PDLIM5: variants seen among roughly 807,000 people sequenced by gnomAD.
The protein encoded by PDLIM5 is PDZ and LIM domain protein 5.
A neutral mutation model predicts 64.2 loss-of-function variants in PDLIM5; 34 were observed. The ratio of observed to expected loss-of-function variants is 0.53; its 90% CI spans 0.40 to 0.71. The LOEUF (loss-of-function observed/expected upper bound fraction) is 0.71, where lower values mean the gene tolerates loss of function less well. Ranked by LOEUF, PDLIM5 falls within the 30% of genes least tolerant of loss-of-function variation. The pLI, the probability that PDLIM5 is intolerant of heterozygous loss-of-function variation, is 0.00. For synonymous variants in PDLIM5, 253 were observed against 269.1 expected, an observed-to-expected ratio of 0.94 and a Z score of 0.59; for missense variants, 683 against 733.6, an observed-to-expected ratio of 0.93 and a Z score of 0.80.
intron 7 of PDLIM5, among the ~76,000 whole-genome samples, chr4:94,611,808 C>T (rs936848012): frequency 3.9e-5 from 6 of 152,094 alleles, no homozygotes; most frequent in Non-Finnish European, 7.4e-5. Flanking sequence ...TTTGACAGAA[C>T]GTAAAATCAG....
intron 7 of PDLIM5, among the ~76,000 whole-genome samples, chr4:94,617,695 G>C (rs1271010795): frequency 6.6e-6 from 1 of 151,532 alleles, no homozygotes; most frequent in Non-Finnish European, 1.5e-5. Context: ...AACTGGTAAG[G>C]GCTGAGGTGT....
intron 3 of PDLIM5, among the ~76,000 whole-genome samples, chr4:94,554,436 A>G (rs1015105876): frequency 6.6e-6 from 1 of 152,192 alleles, no homozygotes; most frequent in East Asian, 1.9e-4. Context: ...TTTTCTCTTC[A>G]TATGTACTCA....
At chr4:94,586,300 G>T in intron 6 of PDLIM5, 108 bp from the exon 7 acceptor site, 1 of 643,418 alleles carries the variant, frequency 1.6e-6, no homozygotes, top group Admixed American at 2.5e-5. Flanking sequence ...CGTTTTAGTG[G>T]CTCCATGGAA....
chr4:94,590,608 A>G (rs776738016), intron 7 of PDLIM5, among the ~76,000 whole-genome samples: 6 of 152,302 alleles, frequency 3.9e-5, no homozygotes, highest in Non-Finnish European at 5.9e-5. Flanking sequence ...GATTATGTGG[A>G]CCTCTGAGGA....
At chr4:94,505,384 G>A (rs1044835418) in intron 2 of PDLIM5, among the ~76,000 whole-genome samples, 4 of 152,108 alleles carry the variant, frequency 2.6e-5, no homozygotes, top group African/African-American at 7.2e-5. Context: ...TCAACTACCC[G>A]AGTAGCTGGG....
intron 2 of PDLIM5, among the ~76,000 whole-genome samples, chr4:94,497,884 A>G (rs1560656759): frequency 6.6e-6 from 1 of 152,198 alleles, no homozygotes. Flanking sequence ...GACAGCATGT[A>G]GCTGTTGAGA....
intron 7 of PDLIM5, among the ~76,000 whole-genome samples, chr4:94,603,945 CAGAG>C (rs975002792): frequency 2.6e-5 from 4 of 152,214 alleles, no homozygotes; most frequent in East Asian, 1.9e-4. Flanking sequence ...TGATTTGAGA[CAGAG>C]AGATATTAGA....
At chr4:94,563,641 C>T (rs1249266315) in intron 3 of PDLIM5, among the ~76,000 whole-genome samples, 1 of 152,108 alleles carries the variant, frequency 6.6e-6, no homozygotes, top group Non-Finnish European at 1.5e-5. Flanking sequence ...CACGTTTAGC[C>T]TGGACAGGAA....
At chr4:94,663,542 C>T (rs1476461295) in intron 12 of PDLIM5, among the ~76,000 whole-genome samples, 1 of 152,142 alleles carries the variant, frequency 6.6e-6, no homozygotes, top group Non-Finnish European at 1.5e-5. Context: ...CTCAGGTATT[C>T]TGTGCCTGTG....
At chr4:94,607,369 C>T (rs1190737682) in intron 7 of PDLIM5, among the ~76,000 whole-genome samples, 1 of 151,330 alleles carries the variant, frequency 6.6e-6, no homozygotes, top group Non-Finnish European at 1.5e-5. Context: ...TTGAGTTCTT[C>T]ATTTTTTCTT....
At chr4:94,586,368 C>G in intron 6 of PDLIM5, 40 bp from the exon 7 acceptor site, 1 of 1,159,246 alleles carries the variant, frequency 8.6e-7, no homozygotes, top group Non-Finnish European at 1.3e-6. Context: ...TGAAGTTAAA[C>G]AAAACAAACT....
intron 5 of PDLIM5, chr4:94,579,389 A>C (rs1578412102): frequency 4.6e-6 from 2 of 437,652 alleles, no homozygotes; most frequent in East Asian, 7.1e-5. Context: ...TTAGTATCTT[A>C]TAATAATTTT....
chr4:94,460,192 A>T (rs1723751831), intron 2 of PDLIM5, among the ~76,000 whole-genome samples: 1 of 152,106 alleles, frequency 6.6e-6, no homozygotes, highest in African/African-American at 2.4e-5. Context: ...AAGTTCAGAG[A>T]CCTGTCTTTT....
chr4:94,485,782 G>A (rs1194525867), intron 2 of PDLIM5, among the ~76,000 whole-genome samples: 1 of 150,490 alleles, frequency 6.6e-6, no homozygotes, highest in Non-Finnish European at 1.5e-5. Context: ...CCTGGAAGGC[G>A]GAAGTTGCAG....
chr4:94,536,465 T>C (rs561669633), intron 3 of PDLIM5, among the ~76,000 whole-genome samples: 1 of 152,326 alleles, frequency 6.6e-6, no homozygotes, highest in Non-Finnish European at 1.5e-5. Context: ...GAATAAAATG[T>C]GGCATGCTCA....
At chr4:94,604,644 A>G (rs1238227792) in intron 7 of PDLIM5, among the ~76,000 whole-genome samples, 1 of 151,992 alleles carries the variant, frequency 6.6e-6, no homozygotes, top group East Asian at 1.9e-4. Context: ...CAAAAAAAGA[A>G]TTAAAGTAGT....
intron 3 of PDLIM5, among the ~76,000 whole-genome samples, chr4:94,555,108 A>G (rs1297583839): frequency 6.6e-6 from 1 of 152,134 alleles, no homozygotes; most frequent in African/African-American, 2.4e-5. Context: ...GCTGGAGTGC[A>G]GTGGTGGTGA....
intron 2 of PDLIM5, among the ~76,000 whole-genome samples, chr4:94,472,039 A>G (rs1254490010): frequency 2.0e-5 from 3 of 152,188 alleles, no homozygotes; most frequent in African/African-American, 7.2e-5. Context: ...TATTATTGAA[A>G]TAATATTTCT....
intron 3 of PDLIM5, among the ~76,000 whole-genome samples, chr4:94,538,349 A>G (rs1158938214): frequency 2.6e-5 from 4 of 152,240 alleles, no homozygotes; most frequent in Non-Finnish European, 4.4e-5. Flanking sequence ...AACTCCAGCT[A>G]TTAACCAGCA....
Sources: gnomAD v4.1 joint callset for allele counts (sites outside exome capture counted in the v4.1 genomes callset) on GRCh38, gnomAD v4.1.1 for gene constraint, MANE v1.5 for transcripts, NCBI Gene and HGNC (gene_info 2026-07-23, HGNC 2026-07-21) for gene names.